KCNQ2: variants seen among roughly 807,000 people sequenced by gnomAD.
The protein encoded by KCNQ2 is potassium voltage-gated channel subfamily Q member 2.
KCNQ2 carries 14 observed loss-of-function variants against 84.8 expected under a neutral mutation model. The ratio of observed to expected loss-of-function variants is 0.17; its 90% CI spans 0.11 to 0.26. The LOEUF (loss-of-function observed/expected upper bound fraction) is 0.26, where lower values mean the gene tolerates loss of function less well. Ranked by LOEUF, KCNQ2 falls within the 10% of genes least tolerant of loss-of-function variation. KCNQ2 has a pLI of 1.00. For synonymous variants in KCNQ2, 599 were observed against 554.1 expected (o/e 1.08, Z -1.14); for missense variants, 788 against 1,254.0 (o/e 0.63, Z 5.61).
At chr20:63,468,245 T>C (rs2082128938) in intron 1 of KCNQ2, among the ~76,000 whole-genome samples, 1 of 152,178 alleles carries the variant, frequency 6.6e-6, no homozygotes, top group Non-Finnish European at 1.5e-5. Context: ...CACAGGAGGC[T>C]GTGGGAAGAA....
intron 1 of KCNQ2, chr20:63,471,876 A>C: frequency 2.8e-6 from 1 of 354,788 alleles, no homozygotes; most frequent in Non-Finnish European, 5.0e-6. Flanking sequence ...GGCCGCGGGG[A>C]GGGGCCTCCC....
At chr20:63,470,619 C>T (rs529217157) in intron 1 of KCNQ2, among the ~76,000 whole-genome samples, 2 of 152,216 alleles carry the variant, frequency 1.3e-5, no homozygotes, top group South Asian at 2.1e-4. Context: ...CAGAACCAAC[C>T]CTGGGTCAGA....
At chr20:63,455,407 C>T (rs986258290) in intron 1 of KCNQ2, among the ~76,000 whole-genome samples, 5 of 152,146 alleles carry the variant, frequency 3.3e-5, no homozygotes, top group African/African-American at 7.2e-5. Context: ...GGACCGCGGG[C>T]GTCGGCTGGG....
chr20:63,430,133 G>A (rs931595393), intron 9 of KCNQ2, among the ~76,000 whole-genome samples: 4 of 152,230 alleles, frequency 2.6e-5, no homozygotes, highest in Admixed American at 2.6e-4. Flanking sequence ...CACATAGGAG[G>A]CCATGCCTCG....
At chr20:63,443,491 CACCAT>C (rs2081321366) in intron 4 of KCNQ2, 1 of 137,730 alleles carries the variant, frequency 7.3e-6, no homozygotes, top group Admixed American at 7.0e-5. Flanking sequence ...CCACCACCAT[CACCAT>C]CACCACCACC....
Position 63,401,733 on chromosome 20 carries a change from C to T in KCNQ2, c.*4911G>A, listed in dbSNP as rs1162387725. 5.1e-6 allele frequency: 1 copy of T among 197,356 alleles called. No homozygotes were observed. The highest frequency in any genetic ancestry group is 6.4e-5 in the Admixed American group (1 of 15,574). 12.2% of individuals were successfully genotyped at this position (197,356 alleles called of 1,614,324 possible). A position where few individuals can be genotyped will look rare whatever the true frequency, so the allele number is the denominator to read the frequency against. Reference sequence around the variant, plus strand: ...ACAGGATCAGAGGACACTGGGGGCACCCGTGCACTGAGCACCCACCCCTCA... The same window carrying T: ...ACAGGATCAGAGGACACTGGGGGCATCCGTGCACTGAGCACCCACCCCTCA... On this transcript the variant is annotated 3_prime_UTR_variant, in exon 17 of 17. Transcript: ENST00000359125.
rs756153757 is a variant in KCNQ2, at chr20:63,445,258, C to T, written c.494G>A (p.Arg165Gln). 28 of 1,613,896 alleles carry T rather than the reference C, an allele frequency of 1.7e-5. No homozygotes were observed. The highest frequency in any genetic ancestry group is 2.4e-5 in the Non-Finnish European group (28 of 1,180,024). The change falls in exon 3 of 17, where the codon CGG becomes CAG. Residue 165 changes from arginine (R) to glutamine (Q), a missense_variant. By Grantham distance (43) the Arg-to-Gln change is conservative. Transcript: ENST00000359125. ...CTCACCAATCACACAGAACGGTTTC[C>T]GGGCAAACTTGAGCCGCCCCCTCCA... The part of the protein sequence containing the change: ...RGWRGRLKFA[R>Q]KPFCVIDIMV...
At chr20:63,465,402 C>A (rs558804703) in intron 1 of KCNQ2, among the ~76,000 whole-genome samples, 1 of 152,310 alleles carries the variant, frequency 6.6e-6, no homozygotes, top group Admixed American at 6.5e-5. Context: ...TCCCTCACAC[C>A]CCCTCACCCA....
chr20:63,451,799 A>G lies in KCNQ2; in HGVS notation c.297-4962T>C, dbSNP rs562194514. Among the ~76,000 whole-genome samples, 5 of 152,228 alleles carry G rather than the reference A, an allele frequency of 3.3e-5. No homozygotes were observed. The East Asian group carries it at 7.8e-4, about 24-fold the overall frequency. Reference sequence around the variant, plus strand: ...CCCTCCCACTCGCTGGAGACCCCCAAGTCCAGGCAGCCTGAGTCCTCTGGC... The same window carrying G: ...CCCTCCCACTCGCTGGAGACCCCCAGGTCCAGGCAGCCTGAGTCCTCTGGC... On this transcript the variant is annotated intron_variant, in intron 1 of 16. Coordinates refer to ENST00000359125, the MANE Select transcript of KCNQ2 (RefSeq NM_172107.4).
chr20:63,471,197 G>C (rs1462369913), intron 1 of KCNQ2: 15 of 152,466 alleles, frequency 9.8e-5, no homozygotes, highest in African/African-American at 2.2e-4. Context: ...GCCGGTCCCG[G>C]AGCTCAGCGG....
intron 1 of KCNQ2, among the ~76,000 whole-genome samples, chr20:63,465,848 C>T (rs78268713): frequency 0.012 from 1,781 of 152,312 alleles, 34 homozygotes; most frequent in African/African-American, 0.041. Context: ...ATCCGCGTTC[C>T]GGGCACCGCC....
At chr20:63,451,584 T>C (rs995068303) in intron 1 of KCNQ2, among the ~76,000 whole-genome samples, 1 of 152,184 alleles carries the variant, frequency 6.6e-6, no homozygotes, top group Non-Finnish European at 1.5e-5. Flanking sequence ...AAGCCCATCC[T>C]GTGTGCAAAG....
intron 1 of KCNQ2, among the ~76,000 whole-genome samples, chr20:63,457,183 G>A (rs758877633): frequency 2.2e-4 from 34 of 152,358 alleles, no homozygotes; most frequent in Non-Finnish European, 4.1e-4. Context: ...GGCTGGAGGG[G>A]ACAAGGGCCA....
intron 12 of KCNQ2, among the ~76,000 whole-genome samples, chr20:63,416,839 G>A (rs1488056683): frequency 6.6e-6 from 1 of 152,132 alleles, no homozygotes; most frequent in African/African-American, 2.4e-5. Context: ...TGGACACGCG[G>A]ATCGCTTGGC....
chr20:63,439,843 C>A, intron 5 of KCNQ2, 135 bp from the exon 6 acceptor site: 1 of 722,630 alleles, frequency 1.4e-6, no homozygotes, highest in Non-Finnish European at 2.5e-6. Context: ...CACACGGAGG[C>A]CCAGTGAGGC....
chr20:63,407,571 GC>G lies in KCNQ2; in HGVS notation c.1888-197del, dbSNP rs1475915181. On this transcript the variant is annotated intron_variant, in intron 16 of 16. Transcript: ENST00000359125. This position sits in a 1 kb window ranked among gnomAD's most constrained non-coding sequence, Gnocchi z 7.2. ...CGGGCTGCTCCCAGGAAATGGGGGGGCCCAGGCTGGTTCCAGGAAACAGGAG... is the reference window on the plus strand; with the variant it reads ...CGGGCTGCTCCCAGGAAATGGGGGGGCCAGGCTGGTTCCAGGAAACAGGAG... Among the ~76,000 whole-genome samples the G allele has an allele frequency of 6.6e-6, 1 of 151,584 alleles. No individual in the cohort carries two copies. The highest frequency in any genetic ancestry group is 1.5e-5 in the Non-Finnish European group (1 of 67,822).
chr20:63,464,037 C>T (rs1458240702), intron 1 of KCNQ2, among the ~76,000 whole-genome samples: 3 of 152,170 alleles, frequency 2.0e-5, no homozygotes, highest in South Asian at 2.1e-4. Flanking sequence ...TCCACAAAGC[C>T]ATTCCCAGCA....
chr20:63,412,088 G>A (rs750210303), intron 15 of KCNQ2: 56 of 536,574 alleles, frequency 1.0e-4, no homozygotes, highest in Admixed American at 3.8e-4. Context: ...CTTTTGACTC[G>A]GGAGCGGGTG....
chr20:63,403,221 G>A lies in KCNQ2; in HGVS notation c.*3423C>T, dbSNP rs2079844790. On this transcript the variant is annotated 3_prime_UTR_variant, in exon 17 of 17. Coordinates refer to ENST00000359125, the MANE Select transcript of KCNQ2 (RefSeq NM_172107.4). The stretch of plus-strand genomic sequence containing the variant: ...CCTGGCGCTCTGCCACTGCGGACCA[G>A]GAGCCCGGACAGTCGGATACCCCAC... 6.6e-6 allele frequency: 1 copy of A among 152,314 alleles called. No homozygotes were observed. The highest frequency in any genetic ancestry group is 6.5e-5 in the Admixed American group (1 of 15,292). 9.4% of individuals were successfully genotyped at this position (152,314 alleles called of 1,614,324 possible).
Sources: allele counts gnomAD v4.1 joint callset (sites outside exome capture counted in the v4.1 genomes callset), GRCh38; gene constraint gnomAD v4.1.1; non-coding constraint Gnocchi (gnomAD v3.1); transcripts MANE v1.5; gene names NCBI Gene and HGNC (gene_info 2026-07-23, HGNC 2026-07-21).